Variants in SNX32 observed in about 807,000 individuals in gnomAD.
SNX32 encodes the protein sorting nexin-32.
In SNX32, 58 loss-of-function variants were observed where a neutral mutation model predicts 57.0. The observed-to-expected ratio is 1.02, with a 90% CI of 0.82 to 1.27. The LOEUF (loss-of-function observed/expected upper bound fraction) is 1.27, where lower values mean the gene tolerates loss of function less well. Ranked by LOEUF, SNX32 falls within the 50% of genes most tolerant of loss-of-function variation. The probability of loss-of-function intolerance (pLI) is 0.00; values close to 1 mark genes in which losing one functional copy is unlikely to be tolerated. For synonymous variants in SNX32, 262 were observed against 220.4 expected (o/e 1.19, Z -1.67); for missense variants, 589 against 541.2 (o/e 1.09, Z -0.88).
At position 65,849,644 on chromosome 11, in the gene SNX32, G is replaced by A. The variant is rs1242374276; in HGVS notation, c.141+62G>A. Reference sequence around the variant, plus strand: ...GCTGCCCGCAGGAGGCCTCCCCCAGGGGGTGGTAGGCATGTGCCAACACAG... The same window carrying A: ...GCTGCCCGCAGGAGGCCTCCCCCAGAGGGTGGTAGGCATGTGCCAACACAG... On this transcript the variant is annotated intron_variant, in intron 2 of 12. Transcript: ENST00000308342. 6 of 1,242,432 alleles carry A rather than the reference G, an allele frequency of 4.8e-6. No homozygotes were observed. In the Admixed American group the frequency reaches 1.4e-4, roughly 28 times the overall value. 77.0% of individuals were successfully genotyped at this position (1,242,432 alleles called of 1,614,324 possible).
chr11:65,834,435 CTGTG>C (rs540521146), intron 1 of SNX32, among the ~76,000 whole-genome samples: 3 of 142,108 alleles, frequency 2.1e-5, no homozygotes, highest in African/African-American at 5.3e-5. Context: ...CTCCGTGTCT[CTGTG>C]TGTGTGTGTA....
Position 65,850,461 on chromosome 11 carries a change from T to C in SNX32, c.405T>C (p.Val135=), listed in dbSNP as rs765624711. 1 of 1,614,198 alleles carries C rather than the reference T, an allele frequency of 6.2e-7. No individual in the cohort carries two copies. The highest frequency in any genetic ancestry group is 1.1e-5 in the South Asian group (1 of 91,084). ...ACCTGGCCATCTTTAAGAAGACAGT[T>C]GCGATGCACGAAGTCTTTCTGCAGC... ...AEYLAIFKKT[V]AMHEVFLQRL... The change falls in exon 5 of 13, where the codon GTT becomes GTC. Residue 135 remains valine, a synonymous_variant. Coordinates refer to ENST00000308342, the MANE Select transcript of SNX32 (RefSeq NM_152760.3).
At chr11:65,846,626 T>A (rs549418361) in intron 1 of SNX32, among the ~76,000 whole-genome samples, 1 of 151,018 alleles carries the variant, frequency 6.6e-6, no homozygotes, top group African/African-American at 2.4e-5. Flanking sequence ...AGAATGGTGG[T>A]TAGTTCTGGG....
chr11:65,852,054 A>G (rs1404165769), intron 9 of SNX32, among the ~76,000 whole-genome samples: 3 of 152,006 alleles, frequency 2.0e-5, no homozygotes, highest in African/African-American at 7.2e-5. Flanking sequence ...TAAAATGTCT[A>G]TTGGACCGCA....
At chr11:65,843,430 G>T (rs939166767) in intron 1 of SNX32, among the ~76,000 whole-genome samples, 1 of 151,642 alleles carries the variant, frequency 6.6e-6, no homozygotes, top group Admixed American at 6.6e-5. Flanking sequence ...TTAGCCAGGC[G>T]TTGTGGCGGG....
Position 65,850,788 on chromosome 11 carries a change from G to A in SNX32, c.536G>A (p.Gly179Glu), listed in dbSNP as rs377677402. 4.3e-6 allele frequency: 7 copies of A among 1,614,012 alleles called. No individual in the cohort carries two copies. The African/African-American group carries it at 9.3e-5, about 22-fold the overall frequency. Reference protein sequence around the residue: ...VRGKNRKELLGGFLRNIVKSA... With the variant: ...VRGKNRKELLEGFLRNIVKSA... ...GGGAAGAACAGGAAGGAGCTCCTCG[G>A]AGGGTTTCTGAGGAATATTGTGAAG... Residue 179 changes from glycine to glutamate, a missense_variant, in exon 6 of 13, where the codon GGA (glycine) becomes GAA (glutamate). By Grantham distance (98) the Gly-to-Glu change is moderately conservative (BLOSUM62 -2). Coordinates refer to ENST00000308342, the MANE Select transcript of SNX32 (RefSeq NM_152760.3).
Position 65,853,385 on chromosome 11 carries a change from G to C in SNX32, c.*50G>C. On this transcript the variant is annotated 3_prime_UTR_variant, in exon 13 of 13. Transcript: ENST00000308342. ...TAATCTGGGATCTCCAGTGACCAGG[G>C]TATCCCAGACCCCTCTCTCCGGCAA... 1 of 1,583,522 alleles carries C rather than the reference G, an allele frequency of 6.3e-7. No homozygotes were observed. The highest frequency in any genetic ancestry group is 8.7e-7 in the Non-Finnish European group (1 of 1,152,792).
chr11:65,834,339 CTCTGTGTG>C (rs891304261), intron 1 of SNX32, among the ~76,000 whole-genome samples: 98 of 150,294 alleles, frequency 6.5e-4, no homozygotes, highest in East Asian at 5.1e-3. Context: ...GTATTTGTGT[CTCTGTGTG>C]TCTGTGTGTC....
intron 1 of SNX32, among the ~76,000 whole-genome samples, chr11:65,843,423 G>A (rs766116907): frequency 7.3e-5 from 11 of 151,622 alleles, no homozygotes; most frequent in Non-Finnish European, 1.3e-4. Context: ...ACAGAAATTA[G>A]CCAGGCGTTG....
rs770627340 is a variant in SNX32 at position 65,853,329 on chromosome 11, G to A, written c.1206G>A (p.Glu402=). 1.2e-6 allele frequency: 2 copies of A among 1,614,058 alleles called. No homozygotes were observed. The highest frequency in any genetic ancestry group is 1.1e-5 in the South Asian group (1 of 91,088). Residue 402 remains glutamate (E), a synonymous_variant, in exon 13 of 13, where the codon GAG becomes GAA. Transcript: ENST00000308342. ...ACACCCTTGTTGCCCTAAAGGGGGAGCCTTAGAGTAGCCAGAGCTCAGCCA... is the reference window on the plus strand; with the variant it reads ...ACACCCTTGTTGCCCTAAAGGGGGAACCTTAGAGTAGCCAGAGCTCAGCCA... The part of the protein sequence containing the change: ...LRNTLVALKG[E]P
Position 65,852,637 on chromosome 11 carries a change from T to C in SNX32, c.920T>C (p.Leu307Pro), listed in dbSNP as rs1331362790. The C allele has an allele frequency of 1.2e-6, 2 of 1,610,122 alleles. No homozygotes were observed. The highest frequency in any genetic ancestry group is 1.7e-5 in the Admixed American group (1 of 59,516). The change falls in exon 11 of 13, where the codon CTG becomes CCG. Residue 307 changes from leucine to proline, a missense_variant. Coordinates refer to ENST00000308342, the MANE Select transcript of SNX32 (RefSeq NM_152760.3). ...MRDSQAAKDLLYRRLRALADY... is the reference protein window; with the variant it reads ...MRDSQAAKDLPYRRLRALADY... Reference sequence around the variant, plus strand: ...CTGTGCCCATGGTCCTAGGACCTGCTGTACCGGCGGCTGCGGGCACTGGCC... The same window carrying C: ...CTGTGCCCATGGTCCTAGGACCTGCCGTACCGGCGGCTGCGGGCACTGGCC...
At chr11:65,850,086 C>T (rs777159141) in intron 3 of SNX32, 56 bp downstream of exon 3, 17 of 1,614,074 alleles carry the variant, frequency 1.1e-5, no homozygotes, top group East Asian at 2.2e-5. Flanking sequence ...TGGGTGAGGA[C>T]CAAAGGCTGT....
chr11:65,843,549 A>C (rs1029401114), intron 1 of SNX32, among the ~76,000 whole-genome samples: 2 of 152,230 alleles, frequency 1.3e-5, no homozygotes, highest in Non-Finnish European at 2.9e-5. Flanking sequence ...CCTGGGCAAC[A>C]GAGCAAGACT....
chr11:65,853,597 A>G lies in SNX32; in HGVS notation c.*262A>G, dbSNP rs1859302242. On this transcript the variant is annotated 3_prime_UTR_variant, in exon 13 of 13. Coordinates refer to ENST00000308342, the MANE Select transcript of SNX32 (RefSeq NM_152760.3). ...GGGACCCTGACACCTCTCCCCAGGA[A>G]GCTGAGGAACAGCCTCTACCCTCAC... The G allele has an allele frequency of 1.8e-6, 1 of 563,780 alleles. No homozygotes were observed. The highest frequency in any genetic ancestry group is 1.9e-5 in the African/African-American group (1 of 53,238). 34.9% of individuals were successfully genotyped at this position (563,780 alleles called of 1,614,324 possible).
chr11:65,852,796 C>A lies in SNX32; in HGVS notation c.1072+7C>A. ...TCCGACTCCGCCAAGCAAGGTGAGC[C>A]CGCAGCCCCCAGCCCCAGCCTGGGG... On this transcript the variant is annotated splice_region_variant and intron_variant, in intron 11 of 12. Coordinates refer to ENST00000308342, the MANE Select transcript of SNX32 (RefSeq NM_152760.3). The A allele has an allele frequency of 1.2e-6, 2 of 1,610,336 alleles. No individual in the cohort carries two copies. The highest frequency in any genetic ancestry group is 1.7e-6 in the Non-Finnish European group (2 of 1,177,514).
chr11:65,847,011 T>C (rs987395286), intron 1 of SNX32, among the ~76,000 whole-genome samples: 13 of 29,952 alleles, frequency 4.3e-4, no homozygotes, highest in African/African-American at 5.4e-4. Context: ...TTTAGTTTTT[T>C]TTGTTTTTTT....
At position 65,853,562 on chromosome 11, in the gene SNX32, C is replaced by G; in HGVS notation, c.*227C>G. On this transcript the variant is annotated 3_prime_UTR_variant, in exon 13 of 13. Coordinates refer to ENST00000308342, the MANE Select transcript of SNX32 (RefSeq NM_152760.3). Reference sequence around the variant, plus strand: ...GGGCATCATAACTGGCCACAGTCAGCAGAGCCCCAGGGACCCTGACACCTC... The same window carrying G: ...GGGCATCATAACTGGCCACAGTCAGGAGAGCCCCAGGGACCCTGACACCTC... 1 of 587,602 alleles carries G rather than the reference C, an allele frequency of 1.7e-6. No homozygotes were observed. Among genetic ancestry groups the G allele is most frequent in the Non-Finnish European group, 3.0e-6 (1 of 329,254 alleles). The allele number at this position is 587,602 out of a possible 1,614,324, so 36.4% of individuals were successfully genotyped here.
intron 1 of SNX32, among the ~76,000 whole-genome samples, chr11:65,839,308 C>T (rs1269391560): frequency 8.0e-6 from 1 of 124,270 alleles, no homozygotes; most frequent in Non-Finnish European, 1.6e-5. Context: ...CGGCTCACTG[C>T]AAGCTCCGCC....
Sources: allele counts gnomAD v4.1 joint callset (sites outside exome capture counted in the v4.1 genomes callset), GRCh38; gene constraint gnomAD v4.1.1; transcripts MANE v1.5; gene names NCBI Gene and HGNC (gene_info 2026-07-23, HGNC 2026-07-21).